Variants in CDH18 observed in about 807,000 individuals in gnomAD.
CDH18 encodes the protein cadherin-18.
Under a neutral mutation model 67.9 loss-of-function variants are expected in CDH18, and 31 were observed. The observed-to-expected ratio is 0.46, with a 90% confidence interval of 0.34 to 0.62. The LOEUF is 0.62. CDH18 is among the 20% of genes least tolerant of loss of function. The pLI is 0.01. For synonymous variants in CDH18, 362 were observed against 347.2 expected (o/e 1.04, Z -0.48); for missense variants, 890 against 975.5 (o/e 0.91, Z 1.17).
At chr5:20,482,850 G>T (rs1427188406) in intron 1 of CDH18, among the ~76,000 whole-genome samples, 3 of 151,928 alleles carry the variant, frequency 2.0e-5, no homozygotes, top group Non-Finnish European at 2.9e-5. Flanking sequence ...AGCCTCTCCT[G>T]CATGATCTCA....
chr5:20,153,258 G>T (rs544609022), intron 2 of CDH18, among the ~76,000 whole-genome samples: 3 of 151,974 alleles, frequency 2.0e-5, no homozygotes, highest in Admixed American at 2.0e-4. Flanking sequence ...TGAATCAGAG[G>T]TTTCTAAAAT....
chr5:20,466,090 A>G (rs967129556), intron 1 of CDH18, among the ~76,000 whole-genome samples: 2 of 152,064 alleles, frequency 1.3e-5, no homozygotes, highest in Non-Finnish European at 2.9e-5. Flanking sequence ...TGAAAAGTCT[A>G]GTTTTCTAAT....
intron 2 of CDH18, among the ~76,000 whole-genome samples, chr5:19,923,013 G>A (rs996767920): frequency 3.9e-5 from 6 of 151,992 alleles, no homozygotes; most frequent in Non-Finnish European, 7.4e-5. Context: ...ATAAAGTGAC[G>A]TCTCTGTACC....
intron 2 of CDH18, among the ~76,000 whole-genome samples, chr5:20,129,267 A>G (rs892276144): frequency 6.6e-6 from 1 of 151,954 alleles, no homozygotes; most frequent in African/African-American, 2.4e-5. Context: ...AAATATATCT[A>G]TATCTTTATC....
At chr5:20,434,466 A>G (rs140786077) in intron 1 of CDH18, among the ~76,000 whole-genome samples, 143 of 152,194 alleles carry the variant, frequency 9.4e-4, no homozygotes, top group African/African-American at 3.3e-3. Context: ...AGACTTCAAT[A>G]GCAAATTGAA....
intron 2 of CDH18, among the ~76,000 whole-genome samples, chr5:20,075,826 A>G (rs751310612): frequency 7.9e-5 from 12 of 152,186 alleles, no homozygotes; most frequent in Non-Finnish European, 1.6e-4. Context: ...TTCATTTTAT[A>G]GTAAAATTTT....
At chr5:19,706,384 G>A (rs1409195672) in intron 5 of CDH18, among the ~76,000 whole-genome samples, 3 of 152,140 alleles carry the variant, frequency 2.0e-5, no homozygotes, top group East Asian at 3.8e-4. Flanking sequence ...GGTCTCAAAC[G>A]CAGATACAGC....
At chr5:20,157,831 G>GCA (rs1751659898) in intron 2 of CDH18, among the ~76,000 whole-genome samples, 1 of 151,758 alleles carries the variant, frequency 6.6e-6, no homozygotes, top group Non-Finnish European at 1.5e-5. Context: ...TAGTAGAGAT[G>GCA]GGGTTTCACC....
At chr5:20,302,938 G>C (rs1276720319) in intron 1 of CDH18, among the ~76,000 whole-genome samples, 5 of 152,292 alleles carry the variant, frequency 3.3e-5, no homozygotes, top group Middle Eastern at 3.4e-3. Context: ...AAGTGACATG[G>C]ATATTCGTGT....
chr5:20,336,431 T>G (rs1739744260), intron 1 of CDH18, among the ~76,000 whole-genome samples: 1 of 152,064 alleles, frequency 6.6e-6, no homozygotes, highest in African/African-American at 2.4e-5. Flanking sequence ...GGTTAAGAAC[T>G]TCGCCTTATG....
intron 10 of CDH18, among the ~76,000 whole-genome samples, chr5:19,510,072 T>G (rs1460860869): frequency 6.6e-6 from 1 of 152,146 alleles, no homozygotes; most frequent in Non-Finnish European, 1.5e-5. Context: ...ATAATAGAAA[T>G]ATCCGTAATT....
chr5:19,645,663 C>A (rs1235620596), intron 5 of CDH18, among the ~76,000 whole-genome samples: 2 of 152,098 alleles, frequency 1.3e-5, no homozygotes, highest in Non-Finnish European at 1.5e-5. Context: ...TCATTTCATT[C>A]TGGAATCAGT....
At chr5:19,947,343 G>A (rs1160867569) in intron 2 of CDH18, among the ~76,000 whole-genome samples, 1 of 151,752 alleles carries the variant, frequency 6.6e-6, no homozygotes, top group Non-Finnish European at 1.5e-5. Context: ...AGGCTCAAAT[G>A]TAATTATAAA....
intron 3 of CDH18, among the ~76,000 whole-genome samples, chr5:19,752,983 G>A (rs2149675660): frequency 6.6e-6 from 1 of 152,212 alleles, no homozygotes; most frequent in Admixed American, 6.5e-5. Context: ...AAAAGGGGGA[G>A]GACACTATGT....
chr5:19,884,665 G>A (rs897197980), intron 2 of CDH18, among the ~76,000 whole-genome samples: 8 of 151,662 alleles, frequency 5.3e-5, no homozygotes, highest in African/African-American at 1.9e-4. Context: ...TAATATAAAC[G>A]TTTTAAATAC....
intron 2 of CDH18, among the ~76,000 whole-genome samples, chr5:20,054,610 C>T (rs1012540048): frequency 2.6e-5 from 4 of 152,094 alleles, no homozygotes; most frequent in Admixed American, 2.0e-4. Context: ...CTGCATTATA[C>T]CACCTTTGCC....
At chr5:19,677,666 C>T (rs1193824353) in intron 5 of CDH18, among the ~76,000 whole-genome samples, 1 of 151,504 alleles carries the variant, frequency 6.6e-6, no homozygotes. Context: ...TTCAAGAGAC[C>T]AATGTCACAT....
At chr5:20,498,919 T>A (rs1004805116) in intron 1 of CDH18, among the ~76,000 whole-genome samples, 2 of 151,942 alleles carry the variant, frequency 1.3e-5, no homozygotes, top group African/African-American at 4.8e-5. Flanking sequence ...AATGAGTGAA[T>A]ATTTTTAAAT....
At chr5:20,282,934 A>G (rs1332494754) in intron 1 of CDH18, among the ~76,000 whole-genome samples, 1 of 152,156 alleles carries the variant, frequency 6.6e-6, no homozygotes, top group Non-Finnish European at 1.5e-5. Context: ...AGACCAATGC[A>G]TCAAAATAGA....
Sources: gnomAD v4.1 joint callset for allele counts (sites outside exome capture counted in the v4.1 genomes callset) on GRCh38, gnomAD v4.1.1 for gene constraint, MANE v1.5 for transcripts, NCBI Gene and HGNC (gene_info 2026-07-23, HGNC 2026-07-21) for gene names.